SHANK2: variants seen among roughly 807,000 people sequenced by gnomAD.
SHANK2 encodes SH3 and multiple ankyrin repeat domains protein 2.
SHANK2 carries 43 observed loss-of-function variants against 133.7 expected under a neutral mutation model. The ratio of observed to expected loss-of-function variants is 0.32; its 90% CI spans 0.25 to 0.41. The LOEUF (loss-of-function observed/expected upper bound fraction) is 0.41. SHANK2 is among the 10% of genes least tolerant of loss of function. The pLI, the probability that SHANK2 is intolerant of heterozygous loss-of-function variation, is 1.00. For synonymous variants in SHANK2, 1,017 were observed against 952.8 expected (o/e 1.07, Z -1.24); for missense variants, 1,994 against 2,235.8 (o/e 0.89, Z 2.18).
At chr11:70,724,708 C>T (rs1001894174) in intron 14 of SHANK2, among the ~76,000 whole-genome samples, 3 of 152,226 alleles carry the variant, frequency 2.0e-5, no homozygotes, top group Non-Finnish European at 4.4e-5. Flanking sequence ...TGTGTCGACA[C>T]CTGCAGCCAG....
At chr11:70,643,421 G>A (rs374938872) in intron 17 of SHANK2, among the ~76,000 whole-genome samples, 132 of 152,104 alleles carry the variant, frequency 8.7e-4, no homozygotes, top group African/African-American at 1.5e-3. Flanking sequence ...AAAATTAGCC[G>A]GGCGTGGTGG....
rs117425904 is a variant in SHANK2, at chr11:70,765,910, C to T, written c.1777+32533G>A. On this transcript the variant is annotated intron_variant, in intron 14 of 25. Transcript: ENST00000601538. ...TGGGAGGAAGTAGAGGACATCTGTACGGGGTGAGCACCTTGGAAACGGGAA... is the reference window on the plus strand; with the variant it reads ...TGGGAGGAAGTAGAGGACATCTGTATGGGGTGAGCACCTTGGAAACGGGAA... Among the ~76,000 whole-genome samples, 10 of 152,278 alleles carry T rather than the reference C, an allele frequency of 6.6e-5. 1 individual carries two copies. The highest frequency in any genetic ancestry group is 6.2e-4 in the South Asian group (3 of 4,820).
At chr11:70,499,820 C>A (rs1026456364) in intron 21 of SHANK2, among the ~76,000 whole-genome samples, 1 of 152,156 alleles carries the variant, frequency 6.6e-6, no homozygotes, top group Admixed American at 6.5e-5. Context: ...TCTGTGCCCA[C>A]CTCACCCAAT....
At chr11:70,563,044 G>A (rs1024158375) in intron 17 of SHANK2, among the ~76,000 whole-genome samples, 1 of 152,016 alleles carries the variant, frequency 6.6e-6, no homozygotes, top group Non-Finnish European at 1.5e-5. Flanking sequence ...GCTAATTTTT[G>A]TATTTTTAGT....
chr11:70,507,927 A>AT (rs1488610237), intron 17 of SHANK2, among the ~76,000 whole-genome samples: 4 of 152,206 alleles, frequency 2.6e-5, no homozygotes, highest in Admixed American at 1.3e-4. Context: ...GGGGCTTGTG[A>AT]TTTTTTGGAG....
chr11:70,624,351 A>G (rs1278815199), intron 17 of SHANK2, among the ~76,000 whole-genome samples: 1 of 151,966 alleles, frequency 6.6e-6, no homozygotes, highest in Non-Finnish European at 1.5e-5. Context: ...GGTGCTCCCA[A>G]GGGATTCCTG....
chr11:70,520,796 C>G (rs1456923326), intron 17 of SHANK2, among the ~76,000 whole-genome samples: 2 of 152,210 alleles, frequency 1.3e-5, no homozygotes, highest in Non-Finnish European at 2.9e-5. Flanking sequence ...TCATGTTGTA[C>G]TTTGAATGAT....
intron 1 of SHANK2, among the ~76,000 whole-genome samples, chr11:71,248,398 C>T (rs1954990988): frequency 6.6e-6 from 1 of 152,246 alleles, no homozygotes; most frequent in Admixed American, 6.5e-5. Context: ...TGCCTGGCGG[C>T]TTTCTCCAGC....
intron 17 of SHANK2, among the ~76,000 whole-genome samples, chr11:70,592,918 C>T (rs1280524407): frequency 6.6e-6 from 1 of 152,212 alleles, no homozygotes; most frequent in African/African-American, 2.4e-5. Context: ...TCGGCCCTGC[C>T]CCCAGGCCTG....
At chr11:70,599,414 T>G (rs1194775314) in intron 17 of SHANK2, among the ~76,000 whole-genome samples, 25 of 141,740 alleles carry the variant, frequency 1.8e-4, no homozygotes, top group African/African-American at 6.3e-4. Flanking sequence ...GAGACCATCC[T>G]GGCTAACACG....
Position 70,783,658 on chromosome 11 carries a change from A to G in SHANK2, c.1777+14785T>C, listed in dbSNP as rs185035907. Among the ~76,000 whole-genome samples, 22 of 151,998 alleles carry G rather than the reference A, an allele frequency of 1.4e-4. No individual in the cohort carries two copies. In the East Asian group the frequency reaches 3.9e-3, roughly 27 times the overall value. The stretch of plus-strand genomic sequence containing the variant: ...AGACCAGCCCTGGGCAGAGACAGTT[A>G]TCCTGGGGAGGGAGCTGAGGAGGCA... On this transcript the variant is annotated intron_variant, in intron 14 of 25. Coordinates refer to ENST00000601538, the MANE Select transcript of SHANK2 (RefSeq NM_012309.5).
At position 70,661,697 on chromosome 11, in the gene SHANK2, G is replaced by A. The variant is rs1228203963; in HGVS notation, c.1854-19C>T. On this transcript the variant is annotated intron_variant, in intron 15 of 25. Coordinates refer to ENST00000601538, the MANE Select transcript of SHANK2 (RefSeq NM_012309.5). ...GCAGTCACTGTAGAGAGAATTCCGG[G>A]GACAGCGACCATTATTGTAGCCCGT... 38 of 1,613,948 alleles carry A rather than the reference G, an allele frequency of 2.4e-5. No homozygotes were observed. Among genetic ancestry groups the A allele is most frequent in the Non-Finnish European group, 3.1e-5 (37 of 1,180,038 alleles).
chr11:70,734,087 G>A (rs2134746780), intron 14 of SHANK2, among the ~76,000 whole-genome samples: 1 of 152,152 alleles, frequency 6.6e-6, no homozygotes, highest in Non-Finnish European at 1.5e-5. Context: ...CTGGCAGCAG[G>A]GAGGGGGCAG....
chr11:70,527,875 C>T (rs987079978), intron 17 of SHANK2, among the ~76,000 whole-genome samples: 1 of 152,248 alleles, frequency 6.6e-6, no homozygotes, highest in Non-Finnish European at 1.5e-5. Context: ...GCCAGGCAGC[C>T]AGACTCCCGC....
chr11:70,611,282 G>C (rs782731056), intron 17 of SHANK2, among the ~76,000 whole-genome samples: 1 of 152,248 alleles, frequency 6.6e-6, no homozygotes. Context: ...CAAAGGGCAT[G>C]TTCACGGACA....
At position 70,487,232 on chromosome 11, in the gene SHANK2, C is replaced by A; in HGVS notation, c.3061G>T (p.Asp1021Tyr). 1 of 1,614,148 alleles carries A rather than the reference C, an allele frequency of 6.2e-7. No homozygotes were observed. Among genetic ancestry groups the A allele is most frequent in the Non-Finnish European group, 8.5e-7 (1 of 1,180,046 alleles). Residue 1021 changes from aspartate to tyrosine, a missense_variant, in exon 25 of 26, where the codon GAC becomes TAC. Coordinates refer to ENST00000601538, the MANE Select transcript of SHANK2 (RefSeq NM_012309.5). The surrounding 1 kb of genome is among the most constrained non-coding windows in gnomAD (Gnocchi z 5.8). ...GMLVKQSNVE[D>Y]SPEKTCSIPI... is the part of the protein sequence containing the mutation. ...ATGGAGCACGTCTTCTCGGGGCTGT[C>A]CTCCACGTTGGACTGCTTCACCAGC...
intron 17 of SHANK2, among the ~76,000 whole-genome samples, chr11:70,648,267 T>C (rs1565212058): frequency 6.6e-6 from 1 of 152,082 alleles, no homozygotes; most frequent in Non-Finnish European, 1.5e-5. Flanking sequence ...TGAGTGCTAA[T>C]GGGTTTGATG....
At chr11:71,148,960 C>A (rs1176525252) in intron 2 of SHANK2, among the ~76,000 whole-genome samples, 1 of 139,994 alleles carries the variant, frequency 7.1e-6, no homozygotes, top group Non-Finnish European at 1.5e-5. Flanking sequence ...AGTTCCCTCT[C>A]GGAGGAAGAC....
At chr11:70,528,193 G>A (rs980818743) in intron 17 of SHANK2, among the ~76,000 whole-genome samples, 5 of 152,202 alleles carry the variant, frequency 3.3e-5, no homozygotes, top group Non-Finnish European at 5.9e-5. Flanking sequence ...CCGAGAGGCC[G>A]AGACCCCGTC....
Sources: gnomAD v4.1 joint callset for allele counts (sites outside exome capture counted in the v4.1 genomes callset) on GRCh38, gnomAD v4.1.1 for gene constraint, Gnocchi (gnomAD v3.1) non-coding constraint, MANE v1.5 for transcripts, NCBI Gene and HGNC (gene_info 2026-07-23, HGNC 2026-07-21) for gene names.